The following PPP3CC variants were observed in gnomAD, a reference collection of about 807,000 sequenced individuals.
PPP3CC encodes protein phosphatase 3 catalytic subunit gamma.
Under a neutral mutation model 60.3 loss-of-function variants are expected in PPP3CC, and 35 were observed. The observed-to-expected ratio is 0.58, with a 90% confidence interval of 0.44 to 0.77. The LOEUF (loss-of-function observed/expected upper bound fraction) is 0.77. Among genes scored for constraint, PPP3CC ranks in the 30% least tolerant of loss-of-function variants. PPP3CC has a pLI of 0.00. For synonymous variants in PPP3CC, 206 were observed against 224.3 expected (o/e 0.92, Z 0.73); for missense variants, 570 against 628.9 (o/e 0.91, Z 1.00).
At chr8:22,516,364 G>A (rs1179695594) in intron 6 of PPP3CC, among the ~76,000 whole-genome samples, 2 of 152,166 alleles carry the variant, frequency 1.3e-5, no homozygotes, top group Non-Finnish European at 2.9e-5. Flanking sequence ...TGTCAGAATA[G>A]AAATTGGTAC....
At chr8:22,476,979 T>A (rs1283858543) in intron 3 of PPP3CC, among the ~76,000 whole-genome samples, 2 of 151,472 alleles carry the variant, frequency 1.3e-5, no homozygotes, top group African/African-American at 2.4e-5. Flanking sequence ...TGCACAAAAT[T>A]CATTTAGTGT....
Position 22,499,458 on chromosome 8 carries a change from A to AG in PPP3CC, c.484+1346_484+1347insG, listed in dbSNP as rs1358098666. ...AAGACTCCGTCTCAAAAAAAAAAAG[A>AG]AAAAAAAAAGAAAGTCAAAACATTA... On this transcript the variant is annotated intron_variant, in intron 4 of 13. Transcript: ENST00000240139. Among the ~76,000 whole-genome samples the AG allele has an allele frequency of 7.3e-4, 109 of 148,876 alleles. No individual in the cohort carries two copies. The South Asian group carries it at 9.3e-3, about 13-fold the overall frequency.
intron 12 of PPP3CC, among the ~76,000 whole-genome samples, chr8:22,535,705 T>C (rs1245714529): frequency 6.6e-6 from 1 of 152,204 alleles, no homozygotes; most frequent in African/African-American, 2.4e-5. Flanking sequence ...AGAAATTTCA[T>C]TGCTATTGAC....
At chr8:22,452,806 G>T (rs1354409681) in intron 1 of PPP3CC, among the ~76,000 whole-genome samples, 1 of 139,388 alleles carries the variant, frequency 7.2e-6, no homozygotes, top group Non-Finnish European at 1.6e-5. Context: ...TGCTGCTGCC[G>T]CCATCGCTAT....
chr8:22,491,567 A>T (rs140318497), intron 3 of PPP3CC, among the ~76,000 whole-genome samples: 2 of 152,224 alleles, frequency 1.3e-5, no homozygotes, highest in Non-Finnish European at 2.9e-5. Flanking sequence ...TGTACTTGTC[A>T]CTATACATTG....
chr8:22,463,504 A>T (rs901082753), intron 1 of PPP3CC, among the ~76,000 whole-genome samples: 1 of 152,232 alleles, frequency 6.6e-6, no homozygotes, highest in Non-Finnish European at 1.5e-5. Context: ...TCATGGGACT[A>T]TAGGCTTTAG....
At chr8:22,515,433 T>C (rs911854489) in intron 6 of PPP3CC, among the ~76,000 whole-genome samples, 6 of 152,248 alleles carry the variant, frequency 3.9e-5, no homozygotes, top group African/African-American at 1.2e-4. Context: ...GCAATAAACA[T>C]GAAAGTGCAG....
At chr8:22,492,219 T>A (rs900735374) in intron 3 of PPP3CC, among the ~76,000 whole-genome samples, 1 of 151,286 alleles carries the variant, frequency 6.6e-6, no homozygotes, top group Non-Finnish European at 1.5e-5. Context: ...TCTAAACATA[T>A]CTAGATGTAG....
At chr8:22,488,850 C>T (rs1231557681) in intron 3 of PPP3CC, among the ~76,000 whole-genome samples, 1 of 152,126 alleles carries the variant, frequency 6.6e-6, no homozygotes, top group Non-Finnish European at 1.5e-5. Flanking sequence ...AGTGTAAAAG[C>T]TTACAGGCAG....
intron 8 of PPP3CC, among the ~76,000 whole-genome samples, chr8:22,524,191 A>C (rs1839480558): frequency 6.6e-6 from 1 of 152,214 alleles, no homozygotes; most frequent in African/African-American, 2.4e-5. Context: ...ATCTGATAAA[A>C]AGGTCTGGTG....
At chr8:22,474,147 A>C (rs1469579081) in intron 1 of PPP3CC, among the ~76,000 whole-genome samples, 2 of 151,372 alleles carry the variant, frequency 1.3e-5, no homozygotes, top group African/African-American at 4.9e-5. Context: ...TGCCTGCCTC[A>C]GCCTCCCAAA....
chr8:22,477,933 G>A (rs1358209610), intron 3 of PPP3CC, among the ~76,000 whole-genome samples: 1 of 152,008 alleles, frequency 6.6e-6, no homozygotes, highest in African/African-American at 2.4e-5. Flanking sequence ...CCACCGCAAC[G>A]TCCGCCTCCC....
Position 22,475,152 on chromosome 8 carries a change from G to A in PPP3CC, c.247+1G>A. The A allele has an allele frequency of 6.2e-7, 1 of 1,606,650 alleles. No individual in the cohort carries two copies. The highest frequency in any genetic ancestry group is 2.2e-5 in the East Asian group (1 of 44,796). Reference sequence around the variant, plus strand: ...ATAGAAGTAGATGCTCCAATCACAGGTATAAAAAGTCTTTGCATGATACTT... The same window carrying A: ...ATAGAAGTAGATGCTCCAATCACAGATATAAAAAGTCTTTGCATGATACTT... On this transcript the variant is annotated splice_donor_variant, in intron 2 of 13. Transcript: ENST00000240139. LOFTEE classifies it high-confidence loss of function.
chr8:22,469,064 A>C (rs1271886483), intron 1 of PPP3CC, among the ~76,000 whole-genome samples: 1 of 152,232 alleles, frequency 6.6e-6, no homozygotes, highest in Non-Finnish European at 1.5e-5. Context: ...TCACAACAGC[A>C]AAGATACAGA....
chr8:22,460,317 T>A (rs1464029718), intron 1 of PPP3CC, among the ~76,000 whole-genome samples: 2 of 152,122 alleles, frequency 1.3e-5, no homozygotes, highest in Non-Finnish European at 2.9e-5. Context: ...CCTATTCTAT[T>A]TTTGTAAATT....
intron 3 of PPP3CC, among the ~76,000 whole-genome samples, chr8:22,489,721 T>TATATATTATATATTATATATAAGTATA: frequency 7.1e-6 from 1 of 140,398 alleles, no homozygotes; most frequent in South Asian, 2.1e-4. Context: ...AAGTATATAT[T>TATATATTATATATTATATATAAGTATA]ATATATTATA....
At chr8:22,467,220 A>G (rs1296134017) in intron 1 of PPP3CC, among the ~76,000 whole-genome samples, 1 of 152,190 alleles carries the variant, frequency 6.6e-6, no homozygotes, top group African/African-American at 2.4e-5. Flanking sequence ...ATTTTAAGGT[A>G]TTTATTTATG....
In PPP3CC at chr8:22,485,494, C is replaced by G. The variant is rs145477748; in HGVS notation, c.372+9870C>G. Among the ~76,000 whole-genome samples, 419 of 152,200 alleles carry G rather than the reference C, an allele frequency of 2.8e-3. 1 individual carries two copies. Among genetic ancestry groups the G allele is most frequent in the African/African-American group, 9.4e-3 (391 of 41,526 alleles). The stretch of plus-strand genomic sequence containing the variant: ...AATCCCAGATAAAACAGAACTCAAC[C>G]AAAATCGGGAGTTCAGTCCAAGAAT... On this transcript the variant is annotated intron_variant, in intron 3 of 13. Coordinates refer to ENST00000240139, the MANE Select transcript of PPP3CC (RefSeq NM_005605.5).
intron 4 of PPP3CC, among the ~76,000 whole-genome samples, chr8:22,501,611 T>A (rs936925086): frequency 9.2e-5 from 14 of 152,226 alleles, no homozygotes; most frequent in Non-Finnish European, 1.6e-4. Context: ...CAGTGGTAGT[T>A]CCCAATATGA....
Sources: gnomAD v4.1 joint callset for allele counts (sites outside exome capture counted in the v4.1 genomes callset) on GRCh38, gnomAD v4.1.1 for gene constraint, MANE v1.5 for transcripts, NCBI Gene and HGNC (gene_info 2026-07-23, HGNC 2026-07-21) for gene names.